Variants in BSN observed in about 807,000 individuals in gnomAD.
The protein encoded by BSN is protein bassoon.
In BSN, 57 loss-of-function variants were observed where a neutral mutation model predicts 264.8. The ratio of observed to expected loss-of-function variants is 0.22; its 90% CI spans 0.17 to 0.27. The LOEUF is 0.27. BSN is among the 10% of genes least tolerant of loss of function. The pLI, the probability that BSN is intolerant of heterozygous loss-of-function variation, is 1.00. For synonymous variants in BSN, 2,059 were observed against 2,137.3 expected (o/e 0.96, Z 1.01); for missense variants, 4,615 against 5,232.5 (o/e 0.88, Z 3.64).
chr3:49,650,132 G>GA (rs2052529443), intron 3 of BSN, among the ~76,000 whole-genome samples: 2 of 150,912 alleles, frequency 1.3e-5, no homozygotes, highest in South Asian at 4.2e-4. Flanking sequence ...GGGAAGGATG[G>GA]AGTCAGACCT....
At position 49,638,471 on chromosome 3, in the gene BSN, G is replaced by C. The variant is rs902075597; in HGVS notation, c.634-3797G>C. Among the ~76,000 whole-genome samples the C allele has an allele frequency of 1.3e-5, 2 of 152,166 alleles. No individual in the cohort carries two copies. The highest frequency in any genetic ancestry group is 4.8e-5 in the African/African-American group (2 of 41,444). On this transcript the variant is annotated intron_variant, in intron 2 of 11. Transcript: ENST00000296452. The surrounding 1 kb of genome is among the most constrained non-coding windows in gnomAD (Gnocchi z 4.3). ...GGGATCTGTCGGGGAGGCAGAGAGG[G>C]GGATGTATTGCTGGCCTCAGAGAGC...
chr3:49,562,073 G>A (rs1319651687), intron 1 of BSN, among the ~76,000 whole-genome samples: 1 of 152,138 alleles, frequency 6.6e-6, no homozygotes, highest in Non-Finnish European at 1.5e-5. Flanking sequence ...CTCCCAAAGT[G>A]CTGAGATTGC....
intron 1 of BSN, among the ~76,000 whole-genome samples, chr3:49,605,423 T>TA (rs1463456145): frequency 9.5e-4 from 26 of 27,456 alleles, no homozygotes; most frequent in African/African-American, 3.3e-3. Flanking sequence ...ATTTTATATT[T>TA]ATATATAATA....
chr3:49,635,076 A>G (rs979182033), intron 2 of BSN, among the ~76,000 whole-genome samples: 2 of 152,120 alleles, frequency 1.3e-5, no homozygotes, highest in African/African-American at 4.8e-5. Flanking sequence ...ATTGGATTGG[A>G]TGTGGAGGGT....
rs1321283715 is a variant in BSN at position 49,642,484 on chromosome 3, G to A, written c.850G>A (p.Ala284Thr). The change falls in exon 3 of 12, where the codon GCC becomes ACC. Residue 284 changes from alanine to threonine, a missense_variant. Ala to Thr is a moderately conservative substitution (Grantham distance 58). This residue lies in a region of BSN where 1,197 missense variants were observed against 1,348.0 expected (regional missense o/e 0.89). Coordinates refer to ENST00000296452, the MANE Select transcript of BSN (RefSeq NM_003458.4). The surrounding 1 kb of genome is among the most constrained non-coding windows in gnomAD (Gnocchi z 7.0). ...PGSRQAETAR[A>T]TSVPGPAQAA... ...GTCCCGCCAGGCTGAGACAGCCAGG[G>A]CCACCTCAGTGCCGGGGCCTGCCCA... The A allele has an allele frequency of 6.3e-7, 1 of 1,579,224 alleles. No individual in the cohort carries two copies.
intron 1 of BSN, among the ~76,000 whole-genome samples, chr3:49,604,807 C>T (rs1229408907): frequency 6.6e-6 from 1 of 151,616 alleles, no homozygotes; most frequent in Non-Finnish European, 1.5e-5. Flanking sequence ...ACATCCCCCA[C>T]CCCTCCCCAT....
chr3:49,617,283 T>TTTTATATATATATA (rs1260747649), intron 1 of BSN, among the ~76,000 whole-genome samples: 1 of 122,090 alleles, frequency 8.2e-6, no homozygotes, highest in Admixed American at 7.8e-5. Context: ...ATAAAATACA[T>TTTTATATATATATA]TATATATATA....
chr3:49,566,048 C>T (rs564789594), intron 1 of BSN, among the ~76,000 whole-genome samples: 7 of 152,096 alleles, frequency 4.6e-5, no homozygotes, highest in Non-Finnish European at 7.3e-5. Flanking sequence ...TGGTCTTGAA[C>T]GCCTTACCTC....
Position 49,661,890 on chromosome 3 carries a change from G to C in BSN, c.10045G>C (p.Ala3349Pro), listed in dbSNP as rs1474906280. The change falls in exon 6 of 12, where the codon GCT becomes CCT. Residue 3349 changes from alanine to proline, a missense_variant. Coordinates refer to ENST00000296452, the MANE Select transcript of BSN (RefSeq NM_003458.4). The part of the protein sequence containing the change: ...MGPKHPSKSL[A>P]PAAISSKRSK... ...GCCCAAGCATCCCTCCAAGAGCCTG[G>C]CTCCAGCTGCCATCTCCTCAAAGCG... 6 of 1,613,610 alleles carry C rather than the reference G, an allele frequency of 3.7e-6. No homozygotes were observed. The highest frequency in any genetic ancestry group is 5.1e-6 in the Non-Finnish European group (6 of 1,180,054).
intron 10 of BSN, 144 bp from the exon 11 acceptor site, chr3:49,665,084 AG>A (rs973741591): frequency 2.1e-6 from 1 of 467,972 alleles, no homozygotes; most frequent in Middle Eastern, 5.6e-4. Context: ...CCAGCAAAGG[AG>A]GGGCCAAAGC....
intron 1 of BSN, among the ~76,000 whole-genome samples, chr3:49,598,729 A>AATGATGT (rs2052045586): frequency 6.6e-6 from 1 of 152,214 alleles, no homozygotes; most frequent in African/African-American, 2.4e-5. Context: ...CTTAATGGTG[A>AATGATGT]AAAACTGAAT....
At chr3:49,609,881 C>T (rs2052191012) in intron 1 of BSN, among the ~76,000 whole-genome samples, 1 of 152,174 alleles carries the variant, frequency 6.6e-6, no homozygotes, top group Admixed American at 6.5e-5. Flanking sequence ...TGCAGTGGGT[C>T]CTCTGTGTTC....
chr3:49,587,887 T>TTTTTTCTTTTCTTTTCTTTTC (rs528313492), intron 1 of BSN, among the ~76,000 whole-genome samples: 100 of 121,610 alleles, frequency 8.2e-4, no homozygotes, highest in South Asian at 2.1e-3. Flanking sequence ...AAAGTTGGGG[T>TTTTTTCTTTTCTTTTCTTTTC]TTTTCTTTTC....
Position 49,657,571 on chromosome 3 carries a change from G to T in BSN, c.8015G>T (p.Cys2672Phe). Reference sequence around the variant, plus strand: ...GTGGGCATCCAGACCATCAGTGACTGCTCCGTGCAGACGGAGCCTGACCAG... The same window carrying T: ...GTGGGCATCCAGACCATCAGTGACTTCTCCGTGCAGACGGAGCCTGACCAG... ...SSVGIQTISD[C>F]SVQTEPDQLP... is the part of the protein sequence containing the mutation. The change falls in exon 5 of 12, where the codon TGC becomes TTC. Residue 2672 changes from cysteine (C) to phenylalanine (F), a missense_variant. Transcript: ENST00000296452. 2 of 1,613,098 alleles carry T rather than the reference G, an allele frequency of 1.2e-6. No homozygotes were observed. Among genetic ancestry groups the T allele is most frequent in the Non-Finnish European group, 1.7e-6 (2 of 1,179,962 alleles).
In BSN at chr3:49,663,082, G is replaced by A. The variant is rs1364326168; in HGVS notation, c.10924G>A (p.Ala3642Thr). 6.2e-7 allele frequency: 1 copy of A among 1,612,638 alleles called. No individual in the cohort carries two copies. Among genetic ancestry groups the A allele is most frequent in the Non-Finnish European group, 8.5e-7 (1 of 1,179,850 alleles). The part of the protein sequence containing the change: ...DEGGPGRHAS[A>T]KEHRHGDHGR... ...GGGTGGCCCAGGCCGCCATGCCTCA[G>A]CCAAGGAACACCGGCACGGTGACCA... is the stretch of plus-strand genomic sequence containing the variant. Residue 3642 changes from alanine (A) to threonine (T), a missense_variant, in exon 7 of 12, where the codon GCC (alanine) becomes ACC (threonine). Around this residue, in one of 3 missense-constraint regions of BSN, gnomAD observed 3,415 missense variants for 3,866.4 expected, o/e 0.88. Transcript: ENST00000296452.
At position 49,661,211 on chromosome 3, in the gene BSN, A is replaced by T; in HGVS notation, c.9366A>T (p.Thr3122=). 6.2e-7 allele frequency: 1 copy of T among 1,613,388 alleles called. No individual in the cohort carries two copies. The highest frequency in any genetic ancestry group is 8.5e-7 in the Non-Finnish European group (1 of 1,179,968). ...CCACAGGCCACTATGCAGGCCAAAC[A>T]CCCATGCCAACCACACAGAGCACCC... The part of the protein sequence containing the change: ...FRPTGHYAGQ[T]PMPTTQSTLF... The change falls in exon 6 of 12, where the codon ACA becomes ACT. Residue 3122 remains threonine, a synonymous_variant. Coordinates refer to ENST00000296452, the MANE Select transcript of BSN (RefSeq NM_003458.4).
Position 49,655,085 on chromosome 3 carries a change from G to A in BSN, c.5529G>A (p.Arg1843=), listed in dbSNP as rs2052585661. 1.9e-6 allele frequency: 3 copies of A among 1,612,798 alleles called. No individual in the cohort carries two copies. The highest frequency in any genetic ancestry group is 2.7e-5 in the African/African-American group (2 of 74,940). The change falls in exon 5 of 12, where the codon CGG becomes CGA. Residue 1843 remains arginine, a synonymous_variant. Transcript: ENST00000296452. ...CAGAGCCAGGTGCCGAGCCCCACCG[G>A]GCCACCCCTGCAGAGCTGCGGTCAC... The part of the protein sequence containing the change: ...PVPEPGAEPH[R]ATPAELRSHA...
chr3:49,587,988 C>G (rs748576447), intron 1 of BSN, among the ~76,000 whole-genome samples: 34 of 149,522 alleles, frequency 2.3e-4, no homozygotes, highest in East Asian at 1.8e-3. Flanking sequence ...GTGGCGCAAT[C>G]TCGGCTAACT....
Position 49,655,889 on chromosome 3 carries a change from T to C in BSN, c.6333T>C (p.Tyr2111=), listed in dbSNP as rs1362573758. ...MCAALNSMDQ[Y]GGRHGSGGGG... ...CTGCCCTCAACTCCATGGACCAGTATGGTGGGCGGCATGGCAGTGGTGGTG... is the reference window on the plus strand; with the variant it reads ...CTGCCCTCAACTCCATGGACCAGTACGGTGGGCGGCATGGCAGTGGTGGTG... Residue 2111 remains tyrosine, a synonymous_variant, in exon 5 of 12, where the codon TAT becomes TAC. Coordinates refer to ENST00000296452, the MANE Select transcript of BSN (RefSeq NM_003458.4). The C allele has an allele frequency of 6.2e-7, 1 of 1,612,604 alleles. No homozygotes were observed. The highest frequency in any genetic ancestry group is 8.5e-7 in the Non-Finnish European group (1 of 1,179,974).
Sources: allele counts gnomAD v4.1 joint callset (sites outside exome capture counted in the v4.1 genomes callset), GRCh38; gene constraint gnomAD v4.1.1; regional missense constraint gnomAD v4.1.1; non-coding constraint Gnocchi (gnomAD v3.1); transcripts MANE v1.5; gene names NCBI Gene and HGNC (gene_info 2026-07-23, HGNC 2026-07-21).